The following CRACR2A variants were observed in gnomAD, a reference collection of about 807,000 sequenced individuals.
The protein encoded by CRACR2A is EF-hand calcium-binding domain-containing protein 4B.
CRACR2A carries 79 observed loss-of-function variants against 90.5 expected under a neutral mutation model. That is an observed-to-expected ratio of 0.87 (90% confidence interval 0.73 to 1.05). CRACR2A has a LOEUF of 1.05. Among genes scored for constraint, CRACR2A ranks in the 50% least tolerant of loss-of-function variants. The pLI is 0.00. For missense variants in CRACR2A, 823 were observed against 897.2 expected, an observed-to-expected ratio of 0.92 and a Z score of 1.06; for synonymous variants, 338 against 356.7, an observed-to-expected ratio of 0.95 and a Z score of 0.59.
At chr12:3,752,735 G>A (rs902700942) in intron 1 of CRACR2A, 5 of 152,608 alleles carry the variant, frequency 3.3e-5, no homozygotes, top group African/African-American at 1.2e-4. Flanking sequence ...GATGAGGCTG[G>A]AGGGTTCCTA....
Position 3,633,516 on chromosome 12 carries a change from C to T in CRACR2A, c.1735+88G>A. The T allele has an allele frequency of 6.6e-7, 1 of 1,516,416 alleles. No homozygotes were observed. Among genetic ancestry groups the T allele is most frequent in the African/African-American group, 1.4e-5 (1 of 72,530 alleles). The allele number at this position is 1,516,416 out of a possible 1,614,324, so 93.9% of individuals were successfully genotyped here. On this transcript the variant is annotated intron_variant, in intron 15 of 19. Transcript: ENST00000440314. The surrounding 1 kb of genome is among the most constrained non-coding windows in gnomAD (Gnocchi z 4.5). ...CAATCCCCATGGCCCTTCCCATGGGCTTCTAACGCTCCCTGCCCCGGGCCC... is the reference window on the plus strand; with the variant it reads ...CAATCCCCATGGCCCTTCCCATGGGTTTCTAACGCTCCCTGCCCCGGGCCC...
At chr12:3,680,870 G>A (rs1343052992) in intron 4 of CRACR2A, among the ~76,000 whole-genome samples, 1 of 152,222 alleles carries the variant, frequency 6.6e-6, no homozygotes, top group Non-Finnish European at 1.5e-5. Context: ...ATGCAATCAT[G>A]AATGTAAAGC....
chr12:3,739,331 A>G (rs1332781377), intron 1 of CRACR2A, among the ~76,000 whole-genome samples: 1 of 152,146 alleles, frequency 6.6e-6, no homozygotes, highest in Non-Finnish European at 1.5e-5. Flanking sequence ...AAATTCATCT[A>G]ACAGTGTCAC....
intron 4 of CRACR2A, among the ~76,000 whole-genome samples, chr12:3,690,022 T>G (rs1477680762): frequency 2.0e-5 from 3 of 152,230 alleles, no homozygotes; most frequent in East Asian, 3.9e-4. Flanking sequence ...TAATTGTGTT[T>G]ATTTGGAGCT....
intron 2 of CRACR2A, among the ~76,000 whole-genome samples, chr12:3,717,174 G>A (rs1946094305): frequency 6.6e-6 from 1 of 152,148 alleles, no homozygotes; most frequent in Non-Finnish European, 1.5e-5. Flanking sequence ...GAAATGCCCA[G>A]GAAACCCGCA....
In CRACR2A at chr12:3,679,103, G is replaced by C. The variant is rs1398318744; in HGVS notation, c.341-5C>G. 5 of 1,610,360 alleles carry C rather than the reference G, an allele frequency of 3.1e-6. No individual in the cohort carries two copies. Among genetic ancestry groups the C allele is most frequent in the South Asian group, 1.1e-5 (1 of 90,372 alleles). ...TCTGGCTGAAGAAGAAGTGACCTGG[G>C]GGGTGCAGGGCACAAGGATCCGAAT... On this transcript the variant is annotated splice_polypyrimidine_tract_variant and splice_region_variant and intron_variant, in intron 5 of 19. Coordinates refer to ENST00000440314, the MANE Select transcript of CRACR2A (RefSeq NM_001144958.2).
intron 3 of CRACR2A, among the ~76,000 whole-genome samples, chr12:3,703,328 G>T (rs1362081386): frequency 6.6e-6 from 1 of 152,050 alleles, no homozygotes; most frequent in African/African-American, 2.4e-5. Context: ...TTCATGATCC[G>T]CCCACCTTGG....
intron 1 of CRACR2A, among the ~76,000 whole-genome samples, chr12:3,744,435 C>T (rs1209178599): frequency 6.6e-6 from 1 of 152,180 alleles, no homozygotes; most frequent in African/African-American, 2.4e-5. Flanking sequence ...TGACTCTGTA[C>T]AATGACACCC....
intron 2 of CRACR2A, among the ~76,000 whole-genome samples, chr12:3,720,433 A>AAG (rs1480549002): frequency 1.2e-5 from 1 of 82,884 alleles, no homozygotes; most frequent in Non-Finnish European, 2.7e-5. Context: ...GAAAGAAAGA[A>AAG]AGAAAGAAAG....
At position 3,680,291 on chromosome 12, in the gene CRACR2A, A is replaced by G; in HGVS notation, c.287T>C (p.Leu96Pro). The part of the protein sequence containing the change: ...LEELEDVFDA[L>P]DADGNGYLTP... Reference sequence around the variant, plus strand: ...CAGATAGCCATTGCCATCAGCATCCAGGGCATCAAACACATCCTCCAGTTC... The same window carrying G: ...CAGATAGCCATTGCCATCAGCATCCGGGGCATCAAACACATCCTCCAGTTC... The change falls in exon 5 of 20, where the codon CTG (leucine) becomes CCG (proline). Residue 96 changes from leucine to proline, a missense_variant. Coordinates refer to ENST00000440314, the MANE Select transcript of CRACR2A (RefSeq NM_001144958.2). 6.2e-7 allele frequency: 1 copy of G among 1,614,246 alleles called. No homozygotes were observed. The highest frequency in any genetic ancestry group is 8.5e-7 in the Non-Finnish European group (1 of 1,180,022).
At chr12:3,641,524 G>A (rs1219882709) in intron 13 of CRACR2A, among the ~76,000 whole-genome samples, 2 of 151,546 alleles carry the variant, frequency 1.3e-5, no homozygotes, top group Admixed American at 6.6e-5. Context: ...ACAATGGTCT[G>A]TCCTGTGGGG....
At chr12:3,696,660 C>A in intron 4 of CRACR2A, 112 bp downstream of exon 4, 1 of 1,450,822 alleles carries the variant, frequency 6.9e-7, no homozygotes, top group Admixed American at 1.9e-5. Flanking sequence ...CAAGACAGAA[C>A]TGGTGGCATC....
Position 3,673,598 on chromosome 12 carries a change from A to T in CRACR2A, c.525-6T>A. 1 of 1,612,494 alleles carries T rather than the reference A, an allele frequency of 6.2e-7. No individual in the cohort carries two copies. Among genetic ancestry groups the T allele is most frequent in the Non-Finnish European group, 8.5e-7 (1 of 1,179,744 alleles). The stretch of plus-strand genomic sequence containing the variant: ...GCTGCTTGACATCACTTTCACTGCA[A>T]GAGAAGGGACGCTCATGTGGAAGTG... On this transcript the variant is annotated splice_polypyrimidine_tract_variant and splice_region_variant and intron_variant, in intron 6 of 19. Transcript: ENST00000440314.
At chr12:3,678,866 G>A in intron 6 of CRACR2A, 49 bp downstream of exon 6, 4 of 1,543,046 alleles carry the variant, frequency 2.6e-6, no homozygotes, top group Non-Finnish European at 3.5e-6. Flanking sequence ...CACAGGAAGA[G>A]GTTCCTACCA....
intron 7 of CRACR2A, among the ~76,000 whole-genome samples, chr12:3,667,004 A>G (rs748666795): frequency 6.6e-6 from 1 of 152,216 alleles, no homozygotes; most frequent in Non-Finnish European, 1.5e-5. Context: ...AGTTTCAGAA[A>G]TGGCCCCTGG....
chr12:3,718,630 G>A (rs1258807830), intron 2 of CRACR2A, among the ~76,000 whole-genome samples: 1 of 152,256 alleles, frequency 6.6e-6, no homozygotes, highest in East Asian at 1.9e-4. Context: ...ACTGCATGCT[G>A]AAATGATTAT....
chr12:3,660,700 T>G (rs954593456), intron 7 of CRACR2A, among the ~76,000 whole-genome samples: 2 of 152,108 alleles, frequency 1.3e-5, no homozygotes, highest in African/African-American at 4.8e-5. Flanking sequence ...TTTCATACCT[T>G]TTTTGCTGAC....
chr12:3,725,500 C>A (rs1282561256), intron 2 of CRACR2A, among the ~76,000 whole-genome samples: 1 of 152,156 alleles, frequency 6.6e-6, no homozygotes, highest in Non-Finnish European at 1.5e-5. Flanking sequence ...TCAGGGCCCA[C>A]CCAGATAACC....
rs764325464 is a variant in CRACR2A at position 3,654,313 on chromosome 12, C to T, written c.945G>A (p.Leu315=). The change falls in exon 10 of 20, where the codon CTG becomes CTA. Residue 315 remains leucine, a synonymous_variant. Coordinates refer to ENST00000440314, the MANE Select transcript of CRACR2A (RefSeq NM_001144958.2). ...AGGAAGTCCGCTCCAGCTCCCGGGC[C>T]AGCTCCTGGTTAGTGAGTTTCAGCT... is the stretch of plus-strand genomic sequence containing the variant. ...NTKLKLTNQE[L]ARELERTSWE... is the part of the protein sequence containing the mutation. 2 of 1,614,106 alleles carry T rather than the reference C, an allele frequency of 1.2e-6. No homozygotes were observed. Among genetic ancestry groups the T allele is most frequent in the Admixed American group, 3.3e-5 (2 of 59,998 alleles).
Sources: allele counts gnomAD v4.1 joint callset (sites outside exome capture counted in the v4.1 genomes callset), GRCh38; gene constraint gnomAD v4.1.1; non-coding constraint Gnocchi (gnomAD v3.1); transcripts MANE v1.5; gene names NCBI Gene and HGNC (gene_info 2026-07-23, HGNC 2026-07-21).